The following KLF13 variants were observed in gnomAD, a reference collection of about 807,000 sequenced individuals.
KLF13 encodes the protein Krueppel-like factor 13.
KLF13 carries 8 observed loss-of-function variants against 16.7 expected under a neutral mutation model. The ratio of observed to expected loss-of-function variants is 0.48; its 90% CI spans 0.28 to 0.87. The LOEUF is 0.87. Ranked by LOEUF, KLF13 falls within the 40% of genes least tolerant of loss-of-function variation. The pLI, the probability that KLF13 is intolerant of heterozygous loss-of-function variation, is 0.10. For missense variants in KLF13, 447 were observed against 452.2 expected, an observed-to-expected ratio of 0.99 and a Z score of 0.10; for synonymous variants, 245 against 208.4, an observed-to-expected ratio of 1.18 and a Z score of -1.51.
intron 2 of KLF13, among the ~76,000 whole-genome samples, chr15:31,396,587 A>G (rs1349704621): frequency 6.6e-6 from 1 of 152,198 alleles, no homozygotes; most frequent in East Asian, 1.9e-4. Context: ...TTGGGGCCAC[A>G]AGATCAGATG....
chr15:31,374,030 T>C lies in KLF13; in HGVS notation c.*1731T>C, dbSNP rs1387864200. ...GCTTCCTGGGCCTAGCGTGCCTTGG[T>C]TGTGGCCATCCTGCTTCTACTCAGC... On this transcript the variant is annotated 3_prime_UTR_variant, in exon 2 of 2. Transcript: ENST00000307145. 6.5e-6 allele frequency: 1 copy of C among 152,700 alleles called. No homozygotes were observed. The highest frequency in any genetic ancestry group is 2.4e-5 in the African/African-American group (1 of 41,406). 9.5% of individuals were successfully genotyped at this position (152,700 alleles called of 1,614,324 possible).
At chr15:31,404,637 C>T (rs1019704977) in exon 3 of KLF13, 3 of 152,218 alleles carry the variant, frequency 2.0e-5, no homozygotes, top group South Asian at 2.1e-4. Flanking sequence ...AAGCTGGCCA[C>T]CCTCCAGTCA....
intron 2 of KLF13, among the ~76,000 whole-genome samples, chr15:31,402,976 G>A (rs1318479542): frequency 4.1e-5 from 6 of 147,140 alleles, no homozygotes; most frequent in Admixed American, 2.0e-4. Context: ...CAGAACTGAC[G>A]CACAGGGCCA....
intron 1 of KLF13, among the ~76,000 whole-genome samples, chr15:31,410,127 T>TAAC (rs2141000423): frequency 6.6e-6 from 1 of 152,186 alleles, no homozygotes; most frequent in African/African-American, 2.4e-5. Flanking sequence ...ATTGAGAATA[T>TAAC]AACAATAAGC....
rs1566848068 is a variant in KLF13 at position 31,423,101 on chromosome 15, GTATA to G, written n.118-12268_118-12265del. 3.9e-5 allele frequency among the ~76,000 whole-genome samples: 3 copies of G among 77,114 alleles called. 1 individual carries two copies. The highest frequency in any genetic ancestry group is 1.3e-4 in the African/African-American group (3 of 22,406). The allele number at this position is 77,114 out of a possible 152,430, so 50.6% of individuals were successfully genotyped here. ...ATTACATATATATACGTATATATAC[GTATA>G]CGTATACGTATATATACGTATATAT... On this transcript the variant is annotated intron_variant and non_coding_transcript_variant, in intron 1 of 1. Transcript: ENST00000558225.
chr15:31,376,656 C>T lies in KLF13; in HGVS notation c.*4357C>T, dbSNP rs1034574376. On this transcript the variant is annotated 3_prime_UTR_variant, in exon 2 of 2. Transcript: ENST00000307145. ...TGTACCAGAACTTGGATGCATAGTCCACCTTACTACTGATACACGCCTGAG... is the reference window on the plus strand; with the variant it reads ...TGTACCAGAACTTGGATGCATAGTCTACCTTACTACTGATACACGCCTGAG... 1.3e-5 allele frequency: 2 copies of T among 152,618 alleles called. No homozygotes were observed. Among genetic ancestry groups the T allele is most frequent in the Non-Finnish European group, 2.9e-5 (2 of 68,040 alleles). 9.5% of individuals were successfully genotyped at this position (152,618 alleles called of 1,614,324 possible). A position where few individuals can be genotyped will look rare whatever the true frequency, so the allele number is the denominator to read the frequency against.
rs1253073009 is a variant in KLF13, at chr15:31,327,576, T to G, written c.364T>G (p.Trp122Gly). The change falls in exon 1 of 2, where the codon TGG becomes GGG. Residue 122 changes from tryptophan (W) to glycine (G), a missense_variant. Trp to Gly is a radical substitution (Grantham distance 184). Transcript: ENST00000307145. ...GGCGGCCGCGCCCCCCAGCCCGGCGTGGAGCGAGCCGGAGCCCGAGGCGGG... is the reference window on the plus strand; with the variant it reads ...GGCGGCCGCGCCCCCCAGCCCGGCGGGGAGCGAGCCGGAGCCCGAGGCGGG... ...GAAAAPPSPA[W>G]SEPEPEAGLE... 8.5e-7 allele frequency: 1 copy of G among 1,177,984 alleles called. No individual in the cohort carries two copies. Among genetic ancestry groups the G allele is most frequent in the African/African-American group, 1.7e-5 (1 of 60,430 alleles). 73.0% of individuals were successfully genotyped at this position (1,177,984 alleles called of 1,614,324 possible). A position where few individuals can be genotyped will look rare whatever the true frequency, so the allele number is the denominator to read the frequency against.
chr15:31,419,617 T>C (rs1026376106), intron 1 of KLF13, among the ~76,000 whole-genome samples: 6 of 151,868 alleles, frequency 4.0e-5, no homozygotes, highest in Non-Finnish European at 8.8e-5. Context: ...AATGATCAAG[T>C]CACAGGAACA....
chr15:31,328,793 G>A (rs976057338), intron 1 of KLF13, among the ~76,000 whole-genome samples: 1 of 152,142 alleles, frequency 6.6e-6, no homozygotes. Flanking sequence ...TTAATGGACG[G>A]CAATCCTTCC....
At chr15:31,358,602 A>G (rs1447512937) in intron 1 of KLF13, among the ~76,000 whole-genome samples, 1 of 152,112 alleles carries the variant, frequency 6.6e-6, no homozygotes, top group Non-Finnish European at 1.5e-5. Flanking sequence ...GCATTTGCTT[A>G]TTGTTGAGAT....
intron 1 of KLF13, among the ~76,000 whole-genome samples, chr15:31,417,874 A>G (rs1487671462): frequency 6.6e-6 from 1 of 152,160 alleles, no homozygotes; most frequent in Non-Finnish European, 1.5e-5. Flanking sequence ...GCAGCACAAA[A>G]TGGACTAAGA....
chr15:31,434,416 C>T (rs994860373), intron 1 of KLF13, among the ~76,000 whole-genome samples: 5 of 152,078 alleles, frequency 3.3e-5, no homozygotes, highest in African/African-American at 7.2e-5. Context: ...GAAGAAGGGC[C>T]GGGAACCAAC....
intron 1 of KLF13, among the ~76,000 whole-genome samples, chr15:31,335,457 GTGTGTGTGTGTGTGTGTGTA>G (rs1471897933): frequency 0.018 from 1,718 of 97,360 alleles, 32 homozygotes; most frequent in Non-Finnish European, 0.031. Context: ...GTGTGTGTGT[GTGTGTGTGTGTGTGTGTGTA>G]TGGTGGCGGG....
At chr15:31,396,087 G>A (rs1340456870) in intron 2 of KLF13, among the ~76,000 whole-genome samples, 3 of 152,096 alleles carry the variant, frequency 2.0e-5, no homozygotes, top group East Asian at 1.9e-4. Context: ...GTGCAATGGC[G>A]CGATCTTGGC....
intron 1 of KLF13, chr15:31,340,073 C>G (rs988999915): frequency 2.9e-6 from 2 of 701,716 alleles, no homozygotes; most frequent in African/African-American, 3.5e-5. Context: ...GTCCTGTGAG[C>G]CTCTCTGCCT....
chr15:31,375,140 T>A lies in KLF13; in HGVS notation c.*2841T>A, dbSNP rs765761689. The A allele has an allele frequency of 6.6e-6, 1 of 152,410 alleles. No individual in the cohort carries two copies. The highest frequency in any genetic ancestry group is 1.5e-5 in the Non-Finnish European group (1 of 68,032). 9.4% of individuals were successfully genotyped at this position (152,410 alleles called of 1,614,324 possible). ...CTCCTGGGTACTCCTGGCCAGACCC[T>A]CCTGAATCATCTGCGGCTTAAACTC... On this transcript the variant is annotated 3_prime_UTR_variant, in exon 2 of 2. Transcript: ENST00000307145.
intron 1 of KLF13, among the ~76,000 whole-genome samples, chr15:31,350,861 C>G (rs2039205129): frequency 6.6e-6 from 1 of 152,254 alleles, no homozygotes; most frequent in African/African-American, 2.4e-5. Context: ...CACTCTTCGC[C>G]CAGGCGCCTT....
intron 1 of KLF13, among the ~76,000 whole-genome samples, chr15:31,424,953 A>G (rs2141011840): frequency 6.6e-6 from 1 of 151,878 alleles, no homozygotes; most frequent in Non-Finnish European, 1.5e-5. Flanking sequence ...CAGGGTACAA[A>G]AATCAACACA....
chr15:31,332,517 C>G (rs188523892), intron 1 of KLF13, among the ~76,000 whole-genome samples: 1,976 of 152,326 alleles, frequency 0.013, 12 homozygotes, highest in Non-Finnish European at 0.02. Context: ...CCCCTTCCCC[C>G]TCGCTGAAAG....
Sources: allele counts gnomAD v4.1 joint callset (sites outside exome capture counted in the v4.1 genomes callset), GRCh38; gene constraint gnomAD v4.1.1; transcripts MANE v1.5; gene names NCBI Gene and HGNC (gene_info 2026-07-23, HGNC 2026-07-21).